SOX6: variants seen among roughly 807,000 people sequenced by gnomAD.
The protein encoded by SOX6 is SRY-box transcription factor 6, also known as transcription factor SOX-6.
In SOX6, 11 loss-of-function variants were observed where a neutral mutation model predicts 97.8. That is an observed-to-expected ratio of 0.11 (90% CI 0.07 to 0.19). SOX6 has a LOEUF of 0.19. Among genes scored for constraint, SOX6 ranks in the 10% least tolerant of loss-of-function variants. The pLI, the probability that SOX6 is intolerant of heterozygous loss-of-function variation, is 1.00. For missense variants in SOX6, 810 were observed against 1,039.5 expected (o/e 0.78, Z 3.04); for synonymous variants, 360 against 371.4 (o/e 0.97, Z 0.35).
Position 16,706,470 on chromosome 11 carries a change from AAATATATATATATATATATATATATATAT to A in SOX6, n.429+8331_429+8359del, listed in dbSNP as rs1848135565. Among the ~76,000 whole-genome samples the A allele has an allele frequency of 1.3e-4, 4 of 30,678 alleles. 1 individual carries two copies. Among genetic ancestry groups the A allele is most frequent in the African/African-American group, 6.9e-4 (4 of 5,792 alleles). 20.1% of individuals were successfully genotyped at this position (30,678 alleles called of 152,430 possible). The stretch of plus-strand genomic sequence containing the variant: ...ATCACAAAAAAAAAAAAAAAAAAAA[AAATATATATATATATATATATATATATAT>A]ATATATATATATATATATATATATA... On this transcript the variant is annotated intron_variant and non_coding_transcript_variant, in intron 3 of 5. Coordinates refer to the SOX6 transcript ENST00000524520.
intron 3 of SOX6, among the ~76,000 whole-genome samples, chr11:16,304,249 T>C (rs1027795022): frequency 1.3e-5 from 2 of 152,134 alleles, no homozygotes; most frequent in Non-Finnish European, 2.9e-5. Flanking sequence ...TTTTCATATG[T>C]TGCTGTGTTC....
intron 2 of SOX6, among the ~76,000 whole-genome samples, chr11:16,331,734 A>G (rs1856308510): frequency 6.6e-6 from 1 of 152,152 alleles, no homozygotes; most frequent in Admixed American, 6.6e-5. Flanking sequence ...CTCTACGTAC[A>G]TTTCCAGCAA....
intron 4 of SOX6, among the ~76,000 whole-genome samples, chr11:16,210,860 G>C (rs961002): frequency 0.48 from 72,610 of 151,988 alleles, 17,536 homozygotes; most frequent in South Asian, 0.61. Context: ...CAATTAAAGG[G>C]ATAGTAAGAG....
chr11:16,259,468 T>G (rs1003104474), intron 3 of SOX6, among the ~76,000 whole-genome samples: 5 of 152,004 alleles, frequency 3.3e-5, no homozygotes, highest in East Asian at 3.9e-4. Flanking sequence ...AGGCCCATAA[T>G]CAGTAAAAAA....
At chr11:16,423,866 A>C (rs1015291873) in intron 1 of SOX6, among the ~76,000 whole-genome samples, 2 of 152,218 alleles carry the variant, frequency 1.3e-5, no homozygotes, top group Non-Finnish European at 2.9e-5. Context: ...AGAGATGCAC[A>C]CATTTGTTTT....
At chr11:16,611,624 C>A (rs1848400014) in intron 4 of SOX6, among the ~76,000 whole-genome samples, 1 of 152,204 alleles carries the variant, frequency 6.6e-6, no homozygotes, top group Non-Finnish European at 1.5e-5. Context: ...ACCAAATAAC[C>A]TGAACTACCA....
chr11:16,463,724 G>T (rs560131234), intron 1 of SOX6, among the ~76,000 whole-genome samples: 1 of 152,186 alleles, frequency 6.6e-6, no homozygotes, highest in Non-Finnish European at 1.5e-5. Context: ...TGGGAGAGGT[G>T]CAGGCTGTTC....
chr11:16,585,501 T>C (rs1848081270), intron 4 of SOX6, among the ~76,000 whole-genome samples: 1 of 152,112 alleles, frequency 6.6e-6, no homozygotes, highest in Admixed American at 6.6e-5. Flanking sequence ...TACCACAAGT[T>C]CATTTCATCC....
chr11:16,287,224 T>C (rs1211202482), intron 3 of SOX6, among the ~76,000 whole-genome samples: 1 of 151,314 alleles, frequency 6.6e-6, no homozygotes, highest in Non-Finnish European at 1.5e-5. Context: ...CATCTCTTCC[T>C]GTTAGTCTCT....
chr11:16,375,859 A>C (rs1355849166), intron 1 of SOX6, among the ~76,000 whole-genome samples: 2 of 152,184 alleles, frequency 1.3e-5, no homozygotes, highest in East Asian at 3.9e-4. Flanking sequence ...GCCATAAAAA[A>C]GGATGAGTTC....
chr11:16,563,196 C>T (rs1353918269), intron 4 of SOX6, among the ~76,000 whole-genome samples: 2 of 151,764 alleles, frequency 1.3e-5, no homozygotes, highest in East Asian at 3.9e-4. Flanking sequence ...AAGGAAATAG[C>T]CTCAGCAGAG....
upstream of SOX6, among the ~76,000 whole-genome samples, chr11:16,357,885 A>C (rs1857114609): frequency 6.6e-6 from 1 of 152,218 alleles, no homozygotes; most frequent in South Asian, 2.1e-4. Context: ...AAGAATAATA[A>C]AAGCAAGCAT....
At chr11:15,997,873 G>C (rs1423293735) in intron 13 of SOX6, among the ~76,000 whole-genome samples, 1 of 152,086 alleles carries the variant, frequency 6.6e-6, no homozygotes, top group Non-Finnish European at 1.5e-5. Flanking sequence ...ACGAGGTCAG[G>C]AGTTCAAGAC....
intron 4 of SOX6, among the ~76,000 whole-genome samples, chr11:16,203,011 G>A (rs1469760268): frequency 6.6e-6 from 1 of 152,092 alleles, no homozygotes; most frequent in Non-Finnish European, 1.5e-5. Context: ...GAGTAAAGTT[G>A]TAACTGTTAG....
At chr11:16,466,930 CAA>C (rs764424447) in intron 1 of SOX6, among the ~76,000 whole-genome samples, 494 of 41,524 alleles carry the variant, frequency 0.012, 1 homozygote, top group African/African-American at 0.033. Flanking sequence ...GACTCCGTCT[CAA>C]AAAAAAAAAA....
chr11:15,976,591 G>A (rs1051051444), intron 15 of SOX6, among the ~76,000 whole-genome samples: 5 of 149,154 alleles, frequency 3.4e-5, no homozygotes, highest in Non-Finnish European at 5.9e-5. Context: ...CCAGCCCACA[G>A]AAGCCATTTG....
At chr11:16,020,071 T>C (rs1855007898) in intron 12 of SOX6, among the ~76,000 whole-genome samples, 1 of 152,136 alleles carries the variant, frequency 6.6e-6, no homozygotes, top group Non-Finnish European at 1.5e-5. Flanking sequence ...TTTCCTAAAC[T>C]GAAAGTAAAG....
intron 6 of SOX6, among the ~76,000 whole-genome samples, chr11:16,128,225 T>C (rs189228056): frequency 1.9e-4 from 29 of 152,302 alleles, no homozygotes; most frequent in Non-Finnish European, 2.6e-4. Flanking sequence ...AAATTAGAAC[T>C]AGGTTTAACA....
chr11:16,050,298 T>C (rs575687932), intron 10 of SOX6, among the ~76,000 whole-genome samples: 7 of 152,336 alleles, frequency 4.6e-5, no homozygotes, highest in Non-Finnish European at 8.8e-5. Context: ...GCTTTTGTGT[T>C]ACTCTCTCTG....
Sources: allele counts gnomAD v4.1 joint callset (sites outside exome capture counted in the v4.1 genomes callset), GRCh38; gene constraint gnomAD v4.1.1; transcripts MANE v1.5; gene names NCBI Gene and HGNC (gene_info 2026-07-23, HGNC 2026-07-21).